Variants in BCL2L1 observed in about 807,000 individuals in gnomAD.
BCL2L1 encodes the protein BCL2 like 1, also known as bcl-2-like protein 1.
BCL2L1 carries 1 observed loss-of-function variant against 18.7 expected under a neutral mutation model. That is an observed-to-expected ratio of 0.05 (90% confidence interval 0.02 to 0.25). BCL2L1 has a LOEUF of 0.25. Among genes scored for constraint, BCL2L1 ranks in the 10% least tolerant of loss-of-function variants. The pLI is 1.00. For missense variants in BCL2L1, 207 were observed against 304.9 expected, an observed-to-expected ratio of 0.68 and a Z score of 2.39; for synonymous variants, 103 against 122.7, an observed-to-expected ratio of 0.84 and a Z score of 1.06.
intron 2 of BCL2L1, chr20:31,686,095 C>T (rs2060951139): frequency 6.6e-6 from 1 of 152,210 alleles, no homozygotes; most frequent in South Asian, 2.1e-4. Context: ...GCCCAAATAG[C>T]CTCTGGGTCC....
chr20:31,694,364 C>T (rs568460972), intron 2 of BCL2L1, among the ~76,000 whole-genome samples: 1 of 151,668 alleles, frequency 6.6e-6, no homozygotes, highest in South Asian at 2.1e-4. Flanking sequence ...GGGCTGGGCT[C>T]AGATACCAAG....
chr20:31,723,292 T>C (rs2122889888), upstream of BCL2L1: 1 of 985,664 alleles, frequency 1.0e-6, no homozygotes, highest in Non-Finnish European at 1.2e-6. Context: ...CCGGACACAA[T>C]GGCCGCCGGC....
At chr20:31,690,557 A>G (rs1600828136) in intron 2 of BCL2L1, among the ~76,000 whole-genome samples, 1 of 151,234 alleles carries the variant, frequency 6.6e-6, no homozygotes, top group African/African-American at 2.4e-5. Flanking sequence ...CAAATCCCAC[A>G]CACAGGTCAG....
At chr20:31,696,058 G>A (rs555497798) in intron 2 of BCL2L1, among the ~76,000 whole-genome samples, 1 of 152,236 alleles carries the variant, frequency 6.6e-6, no homozygotes, top group South Asian at 2.1e-4. Flanking sequence ...AGAATTAAAG[G>A]CGAGAGCCAC....
At chr20:31,666,128 G>C (rs1417096944) in intron 2 of BCL2L1, 42 bp from the exon 3 acceptor site, 3 of 1,609,954 alleles carry the variant, frequency 1.9e-6, no homozygotes, top group Non-Finnish European at 2.5e-6. Context: ...AGTCCTCAGA[G>C]AGTGATGTAG....
At chr20:31,720,954 T>C (rs1278794537) in intron 2 of BCL2L1, 2 of 985,310 alleles carry the variant, frequency 2.0e-6, no homozygotes, top group Non-Finnish European at 2.4e-6. Context: ...TGGCTTAATG[T>C]GTGACACAGC....
chr20:31,695,583 C>T (rs1355291551), intron 2 of BCL2L1, among the ~76,000 whole-genome samples: 1 of 152,236 alleles, frequency 6.6e-6, no homozygotes, highest in Admixed American at 6.5e-5. Context: ...CTTCCTGCCT[C>T]AGTGTCCCGA....
chr20:31,669,996 T>C (rs2060643033), intron 2 of BCL2L1, among the ~76,000 whole-genome samples: 1 of 152,102 alleles, frequency 6.6e-6, no homozygotes, highest in Non-Finnish European at 1.5e-5. Flanking sequence ...AGAGTCGGGA[T>C]CAAACTGCAA....
At chr20:31,717,168 C>T (rs1279089003) in intron 2 of BCL2L1, among the ~76,000 whole-genome samples, 1 of 152,156 alleles carries the variant, frequency 6.6e-6, no homozygotes, top group Non-Finnish European at 1.5e-5. Flanking sequence ...TAAACTCAGG[C>T]AAAACCACAG....
chr20:31,676,301 G>A (rs1273374168), intron 2 of BCL2L1, among the ~76,000 whole-genome samples: 1 of 152,128 alleles, frequency 6.6e-6, no homozygotes, highest in Non-Finnish European at 1.5e-5. Context: ...TAATCCCACC[G>A]AGTACATGCT....
intron 2 of BCL2L1, among the ~76,000 whole-genome samples, chr20:31,707,919 C>T (rs920940392): frequency 6.6e-6 from 1 of 152,088 alleles, no homozygotes; most frequent in Non-Finnish European, 1.5e-5. Flanking sequence ...AACTCAACAA[C>T]GGTTTGTCAA....
At chr20:31,706,860 A>G (rs538418801) in intron 2 of BCL2L1, among the ~76,000 whole-genome samples, 46 of 152,308 alleles carry the variant, frequency 3.0e-4, no homozygotes, top group African/African-American at 1.0e-3. Context: ...TGAGGGAGGC[A>G]AGGCGGGTGT....
At chr20:31,688,481 G>GAAAAGAAAAGAAAGA in intron 2 of BCL2L1, among the ~76,000 whole-genome samples, 1 of 149,936 alleles carries the variant, frequency 6.7e-6, no homozygotes, top group East Asian at 2.0e-4. Context: ...AAAAAGAAAA[G>GAAAAGAAAAGAAAGA]AAAAGAAAAG....
intron 2 of BCL2L1, among the ~76,000 whole-genome samples, chr20:31,673,469 C>T (rs983446425): frequency 6.7e-6 from 1 of 150,332 alleles, no homozygotes; most frequent in Non-Finnish European, 1.5e-5. Context: ...CACAGGAGGA[C>T]CCTGTCTCTA....
intron 2 of BCL2L1, among the ~76,000 whole-genome samples, chr20:31,686,752 T>G (rs116847181): frequency 3.8e-3 from 585 of 152,114 alleles, no homozygotes; most frequent in Middle Eastern, 0.024. Flanking sequence ...ACAAGTCTTC[T>G]CTAAAACAGT....
At chr20:31,684,538 G>A (rs946865539) in intron 2 of BCL2L1, among the ~76,000 whole-genome samples, 4 of 152,118 alleles carry the variant, frequency 2.6e-5, no homozygotes, top group East Asian at 1.9e-4. Flanking sequence ...AGTCTCCTCC[G>A]TCAGTGATGA....
intron 2 of BCL2L1, among the ~76,000 whole-genome samples, chr20:31,695,835 T>A (rs563086938): frequency 4.9e-4 from 75 of 152,322 alleles, no homozygotes; most frequent in African/African-American, 1.8e-3. Flanking sequence ...TGCATTCAGA[T>A]CCAATGTCAC....
intron 2 of BCL2L1, among the ~76,000 whole-genome samples, chr20:31,691,486 C>T (rs2061073968): frequency 6.7e-6 from 1 of 149,750 alleles, no homozygotes; most frequent in African/African-American, 2.5e-5. Context: ...TGTACTCCAG[C>T]CTGGGCGACA....
intron 2 of BCL2L1, 108 bp downstream of exon 2, chr20:31,721,547 G>A (rs770092576): frequency 1.3e-5 from 18 of 1,342,278 alleles, no homozygotes; most frequent in Admixed American, 5.2e-5. Flanking sequence ...AACTATCAAC[G>A]TCTCCAACAA....
Sources: allele counts gnomAD v4.1 joint callset (sites outside exome capture counted in the v4.1 genomes callset), GRCh38; gene constraint gnomAD v4.1.1; transcripts MANE v1.5; gene names NCBI Gene and HGNC (gene_info 2026-07-23, HGNC 2026-07-21).